C8orf34: variants seen among roughly 807,000 people sequenced by gnomAD.
C8orf34 encodes chromosome 8 open reading frame 34, also known as uncharacterized protein C8orf34.
A neutral mutation model predicts 68.3 loss-of-function variants in C8orf34; 65 were observed. The ratio of observed to expected loss-of-function variants is 0.95; its 90% CI spans 0.78 to 1.17. C8orf34 has a LOEUF of 1.17. Among genes scored for constraint, C8orf34 ranks in the 50% most tolerant of loss-of-function variants. C8orf34 has a pLI of 0.00. For missense variants in C8orf34, 664 were observed against 655.4 expected (o/e 1.01, Z -0.14); for synonymous variants, 244 against 241.2 (o/e 1.01, Z -0.11).
chr8:68,786,511 G>A (rs533331531), intron 11 of C8orf34, among the ~76,000 whole-genome samples: 2 of 152,264 alleles, frequency 1.3e-5, no homozygotes, highest in East Asian at 1.9e-4. Context: ...GCACATAAAG[G>A]AATAGAGGAG....
intron 10 of C8orf34, among the ~76,000 whole-genome samples, chr8:68,773,423 C>A (rs1049245158): frequency 6.6e-6 from 1 of 152,008 alleles, no homozygotes; most frequent in Non-Finnish European, 1.5e-5. Flanking sequence ...TCTTCTGGGA[C>A]GGAGTCTTGC....
chr8:68,804,981 G>A (rs936712538), intron 12 of C8orf34, among the ~76,000 whole-genome samples: 5 of 152,242 alleles, frequency 3.3e-5, no homozygotes, highest in South Asian at 2.1e-4. Flanking sequence ...GACCACAAAC[G>A]TCAGTCCCCT....
chr8:68,746,664 C>T (rs751128427), intron 10 of C8orf34, among the ~76,000 whole-genome samples: 11,846 of 141,996 alleles, frequency 0.083, 445 homozygotes, highest in Middle Eastern at 0.18. Context: ...GACACATACA[C>T]CCTCCCAAGA....
At chr8:68,466,048 A>AT (rs1812116896) in intron 3 of C8orf34, among the ~76,000 whole-genome samples, 1 of 151,500 alleles carries the variant, frequency 6.6e-6, no homozygotes, top group Admixed American at 6.6e-5. Context: ...TTTAAAAAAA[A>AT]AAACAATGAA....
chr8:68,708,898 G>T (rs1436780081), intron 8 of C8orf34, 96 bp from the exon 9 acceptor site: 4 of 827,148 alleles, frequency 4.8e-6, no homozygotes, highest in Non-Finnish European at 7.9e-6. Flanking sequence ...TGAGTTTAGA[G>T]TCTAGAAGTT....
At chr8:68,700,393 A>T (rs554337069) in intron 8 of C8orf34, among the ~76,000 whole-genome samples, 2 of 152,194 alleles carry the variant, frequency 1.3e-5, no homozygotes, top group South Asian at 2.1e-4. Context: ...AGCGAGACGG[A>T]GTTAAATGGG....
chr8:68,740,993 A>G (rs1025972971), intron 10 of C8orf34, among the ~76,000 whole-genome samples: 1 of 152,058 alleles, frequency 6.6e-6, no homozygotes. Flanking sequence ...AAAGCCAAAT[A>G]TTGTGTGTTC....
At chr8:68,611,969 A>G (rs1246197693) in intron 7 of C8orf34, among the ~76,000 whole-genome samples, 1 of 152,112 alleles carries the variant, frequency 6.6e-6, no homozygotes, top group East Asian at 1.9e-4. Flanking sequence ...TTCAAATACC[A>G]TATGCCAAGT....
intron 8 of C8orf34, among the ~76,000 whole-genome samples, chr8:68,678,420 G>A (rs1328603952): frequency 2.6e-5 from 4 of 152,124 alleles, no homozygotes; most frequent in Non-Finnish European, 2.9e-5. Context: ...GGGATGCAAG[G>A]ATGGTTCAAT....
At chr8:68,356,271 A>T (rs1451470633) in intron 1 of C8orf34, among the ~76,000 whole-genome samples, 1 of 152,180 alleles carries the variant, frequency 6.6e-6, no homozygotes, top group East Asian at 1.9e-4. Context: ...ATTCATTCAG[A>T]CTTGGATATC....
intron 7 of C8orf34, among the ~76,000 whole-genome samples, chr8:68,542,585 A>G (rs1815737504): frequency 6.6e-6 from 1 of 152,162 alleles, no homozygotes; most frequent in Non-Finnish European, 1.5e-5. Flanking sequence ...CTTTATTCAT[A>G]TATATAGTCT....
At chr8:68,600,227 C>G (rs1291650057) in intron 7 of C8orf34, among the ~76,000 whole-genome samples, 1 of 152,090 alleles carries the variant, frequency 6.6e-6, no homozygotes, top group Non-Finnish European at 1.5e-5. Flanking sequence ...CACTTTGAGT[C>G]AAGTGTAGAA....
At chr8:68,647,616 G>A (rs1819218099) in intron 8 of C8orf34, among the ~76,000 whole-genome samples, 1 of 152,124 alleles carries the variant, frequency 6.6e-6, no homozygotes, top group Admixed American at 6.5e-5. Flanking sequence ...ACTTTTCCAG[G>A]CATCAGGGAG....
chr8:68,546,207 T>A (rs1815873730), intron 7 of C8orf34, among the ~76,000 whole-genome samples: 1 of 151,962 alleles, frequency 6.6e-6, no homozygotes, highest in Non-Finnish European at 1.5e-5. Context: ...AATGGTAAAC[T>A]TAAACCTGAA....
chr8:68,780,803 A>T (rs1010803986), intron 11 of C8orf34, among the ~76,000 whole-genome samples: 10 of 152,266 alleles, frequency 6.6e-5, no homozygotes, highest in Middle Eastern at 6.8e-3. Context: ...AGTATGAACC[A>T]TTTCATTAAC....
intron 8 of C8orf34, among the ~76,000 whole-genome samples, chr8:68,654,358 CAG>C (rs1819451635): frequency 6.6e-6 from 1 of 152,152 alleles, no homozygotes; most frequent in South Asian, 2.1e-4. Flanking sequence ...ACAGTTTTCT[CAG>C]TACTTTTAGA....
At chr8:68,809,435 G>A (rs1306851545) in intron 12 of C8orf34, among the ~76,000 whole-genome samples, 1 of 152,118 alleles carries the variant, frequency 6.6e-6, no homozygotes, top group African/African-American at 2.4e-5. Context: ...GAGTTCATAG[G>A]TGATATATTT....
chr8:68,350,952 G>A (rs1030275630), intron 1 of C8orf34, among the ~76,000 whole-genome samples: 13 of 151,804 alleles, frequency 8.6e-5, no homozygotes, highest in South Asian at 2.1e-4. Context: ...CATATAGTCC[G>A]TTTACATTCA....
At chr8:68,573,121 T>A (rs1234062373) in intron 7 of C8orf34, among the ~76,000 whole-genome samples, 1 of 152,174 alleles carries the variant, frequency 6.6e-6, no homozygotes, top group Admixed American at 6.6e-5. Flanking sequence ...CATTGTAGTC[T>A]ATTGAACATT....
Sources: allele counts gnomAD v4.1 joint callset (sites outside exome capture counted in the v4.1 genomes callset), GRCh38; gene constraint gnomAD v4.1.1; transcripts MANE v1.5; gene names NCBI Gene and HGNC (gene_info 2026-07-23, HGNC 2026-07-21).